The following ZNF45 variants were observed in gnomAD, a reference collection of about 807,000 sequenced individuals.
ZNF45 encodes BRC1744.
ZNF45 carries 4 observed loss-of-function variants against 12.0 expected under a neutral mutation model. That is an observed-to-expected ratio of 0.33 (90% CI 0.16 to 0.76). ZNF45 has a LOEUF of 0.76. Among genes scored for constraint, ZNF45 ranks in the 30% least tolerant of loss-of-function variants. The probability of loss-of-function intolerance (pLI) is 0.60; values close to 1 mark genes in which losing one functional copy is unlikely to be tolerated. For synonymous variants in ZNF45, 272 were observed against 279.6 expected, an observed-to-expected ratio of 0.97 and a Z score of 0.27; for missense variants, 700 against 813.0, an observed-to-expected ratio of 0.86 and a Z score of 1.69.
At chr19:43,917,353 TCAAA>T (rs1037885079) in intron 9 of ZNF45, among the ~76,000 whole-genome samples, 5 of 152,344 alleles carry the variant, frequency 3.3e-5, no homozygotes, top group Admixed American at 6.5e-5. Flanking sequence ...AATTTCTTAA[TCAAA>T]CAAATTGTTC....
intron 2 of ZNF45, among the ~76,000 whole-genome samples, 192 bp from the exon 3 acceptor site, chr19:43,932,882 T>C (rs1974245705): frequency 6.6e-6 from 1 of 152,204 alleles, no homozygotes; most frequent in African/African-American, 2.4e-5. Context: ...ATGGGCTGAA[T>C]TGTGTGTGCC....
Position 43,913,839 on chromosome 19 carries a change from A to C in ZNF45, c.1597T>G (p.Cys533Gly). The C allele has an allele frequency of 6.2e-7, 1 of 1,613,426 alleles. No individual in the cohort carries two copies. Among genetic ancestry groups the C allele is most frequent in the Non-Finnish European group, 8.5e-7 (1 of 1,179,822 alleles). Residue 533 changes from cysteine (C) to glycine (G), a missense_variant, in exon 10 of 10, where the codon TGT becomes GGT. By Grantham distance (159) the Cys-to-Gly change is radical. Transcript: ENST00000269973. ...TGEKPYQCAE[C>G]GKGFSVGSQL... ...GAACCTACACTGAAGCCCTTCCCAC[A>C]CTCTGCACACTGATATGGTTTCTCT...
intron 6 of ZNF45, among the ~76,000 whole-genome samples, chr19:43,922,834 T>G (rs1599777940): frequency 2.1e-5 from 3 of 143,936 alleles, no homozygotes; most frequent in Admixed American, 7.0e-5. Flanking sequence ...TTTTTTTTTT[T>G]TTTTTTTTTG....
In ZNF45 at chr19:43,914,895, T is replaced by A. The variant is rs368720011; in HGVS notation, c.541A>T (p.Ile181Phe). The A allele has an allele frequency of 1.2e-6, 2 of 1,612,900 alleles. No individual in the cohort carries two copies. Among genetic ancestry groups the A allele is most frequent in the South Asian group, 2.2e-5 (2 of 91,064 alleles). ...TCTCCTGCATGAGCCCTTTGGTTAA[T>A]TTGAAGATGAGAGCTCCAGCTGAAA... ...KSFSWSSHLQ[I>F]NQRAHAGEKP... The change falls in exon 10 of 10, where the codon ATT becomes TTT. Residue 181 changes from isoleucine to phenylalanine, a missense_variant. Coordinates refer to ENST00000269973, the MANE Select transcript of ZNF45 (RefSeq NM_003425.4).
intron 7 of ZNF45, 69 bp downstream of exon 7, chr19:43,922,102 G>C: frequency 6.5e-7 from 1 of 1,537,290 alleles, no homozygotes; most frequent in Non-Finnish European, 8.9e-7. Context: ...CTAACAAAGA[G>C]AATAAGGTGT....
At chr19:43,930,659 C>T (rs942373455) in intron 3 of ZNF45, among the ~76,000 whole-genome samples, 1 of 152,158 alleles carries the variant, frequency 6.6e-6, no homozygotes, top group South Asian at 2.1e-4. Flanking sequence ...GAAAGGGCTG[C>T]AGAATGACTG....
rs1350684467 is a variant in ZNF45 at position 43,914,835 on chromosome 19, A to G, written c.601T>C (p.Phe201Leu). 6.2e-7 allele frequency: 1 copy of G among 1,612,202 alleles called. No homozygotes were observed. The highest frequency in any genetic ancestry group is 8.5e-7 in the Non-Finnish European group (1 of 1,178,506). ...GCTTGAAGACTTGAAAACCGACGGA[A>G]GGCATTATCACATTTTTCACATTTG... Reference protein sequence around the residue: ...PYKCEKCDNAFRRFSSLQAHQ... With the variant: ...PYKCEKCDNALRRFSSLQAHQ... Residue 201 changes from phenylalanine (F) to leucine (L), a missense_variant, in exon 10 of 10, where the codon TTC (phenylalanine) becomes CTC (leucine). Phe to Leu is a conservative substitution (Grantham distance 22, BLOSUM62 0). Transcript: ENST00000269973.
chr19:43,932,575 C>G (rs1974216684), intron 3 of ZNF45, 29 bp downstream of exon 3: 1 of 152,174 alleles, frequency 6.6e-6, no homozygotes, highest in Non-Finnish European at 1.5e-5. Context: ...AATCCAGATG[C>G]CTGTTGGAGA....
At chr19:43,930,148 G>A in intron 3 of ZNF45, 1 of 152,248 alleles carries the variant, frequency 6.6e-6, no homozygotes, top group Non-Finnish European at 1.5e-5. Flanking sequence ...GGGGAAAAGG[G>A]GGATGGAGGA....
At position 43,919,810 on chromosome 19, in the gene ZNF45, G is replaced by A. The variant is rs749928343; in HGVS notation, c.16-111C>T. On this transcript the variant is annotated intron_variant, in intron 7 of 9. Coordinates refer to ENST00000269973, the MANE Select transcript of ZNF45 (RefSeq NM_003425.4). ...GTAGGGAAAGGTGTCAGATTCTTAAGAGACCATATTCAACTTTATTACAGT... is the reference window on the plus strand; with the variant it reads ...GTAGGGAAAGGTGTCAGATTCTTAAAAGACCATATTCAACTTTATTACAGT... The A allele has an allele frequency of 5.7e-6, 7 of 1,218,042 alleles. No homozygotes were observed. The Admixed American group carries it at 1.6e-4, about 28-fold the overall frequency. The allele number at this position is 1,218,042 out of a possible 1,614,324, so 75.5% of individuals were successfully genotyped here. A position where few individuals can be genotyped will look rare whatever the true frequency, so the allele number is the denominator to read the frequency against.
In ZNF45 at chr19:43,924,221, A is replaced by T. The variant is rs1032518238; in HGVS notation, c.-33+17T>A. The T allele has an allele frequency of 3.3e-5, 5 of 152,226 alleles. No homozygotes were observed. The highest frequency in any genetic ancestry group is 1.2e-4 in the African/African-American group (5 of 41,464). 9.4% of individuals were successfully genotyped at this position (152,226 alleles called of 1,614,324 possible). A position where few individuals can be genotyped will look rare whatever the true frequency, so the allele number is the denominator to read the frequency against. On this transcript the variant is annotated intron_variant, in intron 6 of 9. Transcript: ENST00000269973. ...GAACTTGGCACATGATGTTTCATTA[A>T]GGTACTTCACACATACCTGTGAAGA...
chr19:43,913,273 T>G lies in ZNF45; in HGVS notation c.*114A>C. 1 of 1,249,862 alleles carries G rather than the reference T, an allele frequency of 8.0e-7. No homozygotes were observed. The highest frequency in any genetic ancestry group is 1.1e-6 in the Non-Finnish European group (1 of 909,788). 77.4% of individuals were successfully genotyped at this position (1,249,862 alleles called of 1,614,324 possible). A position where few individuals can be genotyped will look rare whatever the true frequency, so the allele number is the denominator to read the frequency against. Reference sequence around the variant, plus strand: ...CCACTCTTGTGAGGCTTCTCTGCTGTGTGGTCTCCCAATCACTTGGCTGAA... The same window carrying G: ...CCACTCTTGTGAGGCTTCTCTGCTGGGTGGTCTCCCAATCACTTGGCTGAA... On this transcript the variant is annotated 3_prime_UTR_variant, in exon 10 of 10. Transcript: ENST00000269973.
chr19:43,925,128 T>C (rs1445364716), intron 4 of ZNF45, 197 bp downstream of exon 4: 3 of 152,162 alleles, frequency 2.0e-5, no homozygotes, highest in African/African-American at 4.8e-5. Context: ...TAGCTCTTTC[T>C]CTCTTCCTCC....
intron 7 of ZNF45, 87 bp downstream of exon 7, chr19:43,922,084 T>A: frequency 7.0e-7 from 1 of 1,421,146 alleles, no homozygotes; most frequent in Non-Finnish European, 9.7e-7. Context: ...CCGTTCTCCT[T>A]CATCTTCCTA....
At chr19:43,934,196 G>C (rs1368674062) in intron 2 of ZNF45, among the ~76,000 whole-genome samples, 11 of 152,130 alleles carry the variant, frequency 7.2e-5, no homozygotes, top group Admixed American at 6.5e-4. Flanking sequence ...TGTATAATTG[G>C]TGTAATAACA....
chr19:43,931,712 T>G (rs1015535911), intron 3 of ZNF45, among the ~76,000 whole-genome samples: 2 of 152,128 alleles, frequency 1.3e-5, no homozygotes, highest in Non-Finnish European at 2.9e-5. Context: ...TCACAGAAAC[T>G]TTACGAGGTA....
At chr19:43,916,930 A>C (rs1972732409) in intron 9 of ZNF45, among the ~76,000 whole-genome samples, 1 of 151,670 alleles carries the variant, frequency 6.6e-6, no homozygotes, top group African/African-American at 2.4e-5. Flanking sequence ...CAGGGGATCT[A>C]GGGACTGATT....
chr19:43,919,495 G>T (rs1442445491), intron 8 of ZNF45, 78 bp downstream of exon 8: 3 of 1,497,980 alleles, frequency 2.0e-6, no homozygotes, highest in Non-Finnish European at 2.7e-6. Context: ...CAGTTCAAGA[G>T]CTCCAAAGCC....
chr19:43,927,448 G>A (rs1382168179), intron 3 of ZNF45, among the ~76,000 whole-genome samples: 1 of 152,138 alleles, frequency 6.6e-6, no homozygotes, highest in African/African-American at 2.4e-5. Flanking sequence ...TCTACTCTGT[G>A]CCAGCCAAGG....
Sources: allele counts gnomAD v4.1 joint callset (sites outside exome capture counted in the v4.1 genomes callset), GRCh38; gene constraint gnomAD v4.1.1; transcripts MANE v1.5; gene names NCBI Gene and HGNC (gene_info 2026-07-23, HGNC 2026-07-21).